MLLT3: variants seen among roughly 807,000 people sequenced by gnomAD.
The protein encoded by MLLT3 is MLLT3 super elongation complex subunit, also known as protein AF-9.
MLLT3 carries 4 observed loss-of-function variants against 53.2 expected under a neutral mutation model. That is an observed-to-expected ratio of 0.08 (90% CI 0.04 to 0.17). The LOEUF (loss-of-function observed/expected upper bound fraction) is 0.17, where lower values mean the gene tolerates loss of function less well. MLLT3 is among the 10% of genes least tolerant of loss of function. MLLT3 has a pLI of 1.00. For synonymous variants in MLLT3, 283 were observed against 230.6 expected (o/e 1.23, Z -2.06); for missense variants, 569 against 684.0 (o/e 0.83, Z 1.87).
At position 20,522,964 on chromosome 9, in the gene MLLT3, A is replaced by AAAAT. The variant is rs543608557; in HGVS notation, c.194-66182_194-66179dup. On this transcript the variant is annotated intron_variant, in intron 2 of 10. Transcript: ENST00000380338. The stretch of plus-strand genomic sequence containing the variant: ...GCAACAGAGTGAGACCCTGTCTTAA[A>AAAAT]AAATAAATAAATAAATAAATAAATA... Among the ~76,000 whole-genome samples the AAAAT allele has an allele frequency of 3.8e-3, 576 of 151,962 alleles. 2 individuals are homozygous for AAAAT. The highest frequency in any genetic ancestry group is 8.2e-3 in the African/African-American group (340 of 41,490).
intron 2 of MLLT3, among the ~76,000 whole-genome samples, chr9:20,488,059 T>G (rs376484501): frequency 6.6e-6 from 1 of 152,242 alleles, no homozygotes; most frequent in East Asian, 1.9e-4. Context: ...TTAGGTGCAA[T>G]AAATTAAATA....
rs1393756197 is a variant in MLLT3, at chr9:20,620,346, C to T, written c.193+308G>A. 6.6e-6 allele frequency among the ~76,000 whole-genome samples: 1 copy of T among 151,394 alleles called. No individual in the cohort carries two copies. The highest frequency in any genetic ancestry group is 1.9e-4 in the East Asian group (1 of 5,146). On this transcript the variant is annotated intron_variant, in intron 2 of 10. Transcript: ENST00000380338. The surrounding 1 kb of genome is among the most constrained non-coding windows in gnomAD (Gnocchi z 6.1). ...CGATTCCCCACATCTCCAAACTCAACAACTAATTGCACCTTCCCCACAGAA... is the reference window on the plus strand; with the variant it reads ...CGATTCCCCACATCTCCAAACTCAATAACTAATTGCACCTTCCCCACAGAA...
intron 2 of MLLT3, among the ~76,000 whole-genome samples, chr9:20,526,829 T>C (rs1041604885): frequency 6.6e-6 from 1 of 152,204 alleles, no homozygotes; most frequent in Admixed American, 6.5e-5. Context: ...TCTTTAGCAA[T>C]TCTGGTGGTG....
chr9:20,531,859 T>C (rs1184304854), intron 2 of MLLT3, among the ~76,000 whole-genome samples: 1 of 152,146 alleles, frequency 6.6e-6, no homozygotes, highest in Non-Finnish European at 1.5e-5. Flanking sequence ...TGTAAACTAC[T>C]GATTCACAGG....
At chr9:20,405,491 T>C (rs1822555823) in intron 5 of MLLT3, among the ~76,000 whole-genome samples, 1 of 152,176 alleles carries the variant, frequency 6.6e-6, no homozygotes, top group Admixed American at 6.5e-5. Flanking sequence ...AGTGGTACAA[T>C]ACAAGAAGCA....
At chr9:20,608,635 A>C (rs181610045) in intron 2 of MLLT3, among the ~76,000 whole-genome samples, 1 of 151,988 alleles carries the variant, frequency 6.6e-6, no homozygotes, top group African/African-American at 2.4e-5. Flanking sequence ...AAAGGAAAAG[A>C]CTCAAAACGA....
chr9:20,537,953 G>A (rs1322271197), intron 2 of MLLT3, among the ~76,000 whole-genome samples: 1 of 152,024 alleles, frequency 6.6e-6, no homozygotes, highest in Non-Finnish European at 1.5e-5. Context: ...TAAACTACAT[G>A]GCAGACTTAT....
intron 3 of MLLT3, among the ~76,000 whole-genome samples, chr9:20,451,445 G>C (rs552830890): frequency 1.3e-5 from 2 of 152,106 alleles, no homozygotes; most frequent in African/African-American, 2.4e-5. Flanking sequence ...GTCTAAAACA[G>C]AACAAAAAAC....
chr9:20,409,484 G>A (rs1404476542), intron 5 of MLLT3, among the ~76,000 whole-genome samples: 1 of 152,124 alleles, frequency 6.6e-6, no homozygotes, highest in Non-Finnish European at 1.5e-5. Flanking sequence ...AGTTGACACT[G>A]ATACACTCCC....
rs191263274 is a variant in MLLT3, at chr9:20,535,261, T to C, written c.194-78475A>G. 6.3e-4 allele frequency among the ~76,000 whole-genome samples: 96 copies of C among 152,354 alleles called. 1 individual carries two copies. Among genetic ancestry groups the C allele is most frequent in the Non-Finnish European group, 1.2e-3 (80 of 68,036 alleles). On this transcript the variant is annotated intron_variant, in intron 2 of 10. Coordinates refer to ENST00000380338, the MANE Select transcript of MLLT3 (RefSeq NM_004529.4). ...TGCACTCCTTATAAGAATCTAATGA[T>C]GAATTTAATCTGATGATTTGAGGTG...
intron 2 of MLLT3, among the ~76,000 whole-genome samples, chr9:20,466,544 T>C (rs1449877847): frequency 1.3e-5 from 2 of 152,196 alleles, no homozygotes; most frequent in East Asian, 1.9e-4. Flanking sequence ...ACCCTGACTA[T>C]AGAAGTGAGA....
intron 2 of MLLT3, among the ~76,000 whole-genome samples, chr9:20,534,212 T>G (rs1437946709): frequency 3.3e-5 from 5 of 152,246 alleles, no homozygotes. Context: ...TTGTAAGTCA[T>G]GTCTTCGGAA....
At chr9:20,562,507 C>A (rs1819242383) in intron 2 of MLLT3, among the ~76,000 whole-genome samples, 1 of 151,986 alleles carries the variant, frequency 6.6e-6, no homozygotes. Flanking sequence ...ACCAATGGAC[C>A]CTTAGCACCA....
intron 2 of MLLT3, among the ~76,000 whole-genome samples, chr9:20,511,184 T>C (rs1024618714): frequency 2.6e-5 from 4 of 152,154 alleles, no homozygotes; most frequent in African/African-American, 4.8e-5. Context: ...TGTGTGTGCA[T>C]GTTCATATGG....
rs186273799 is a variant in MLLT3 at position 20,477,617 on chromosome 9, T to C, written c.194-20831A>G. Among the ~76,000 whole-genome samples, 6 of 152,280 alleles carry C rather than the reference T, an allele frequency of 3.9e-5. No individual in the cohort carries two copies. In the East Asian group the frequency reaches 9.7e-4, roughly 25 times the overall value. The stretch of plus-strand genomic sequence containing the variant: ...AAATAAATAGCCCTCCTCTCCTATA[T>C]GCTCTGGGGCCCAGGAAGAGTCACA... On this transcript the variant is annotated intron_variant, in intron 2 of 10. Coordinates refer to ENST00000380338, the MANE Select transcript of MLLT3 (RefSeq NM_004529.4).
At chr9:20,482,170 GT>G (rs1217671566) in intron 2 of MLLT3, among the ~76,000 whole-genome samples, 1 of 152,174 alleles carries the variant, frequency 6.6e-6, no homozygotes, top group Non-Finnish European at 1.5e-5. Flanking sequence ...GGAGGCCATA[GT>G]TTTGGACTAA....
intron 2 of MLLT3, among the ~76,000 whole-genome samples, chr9:20,544,217 C>T (rs1305254964): frequency 6.6e-6 from 1 of 152,120 alleles, no homozygotes; most frequent in East Asian, 1.9e-4. Flanking sequence ...TAGAAGAAAA[C>T]ATAGGGGAAA....
intron 3 of MLLT3, among the ~76,000 whole-genome samples, chr9:20,456,025 G>A (rs1464699464): frequency 1.4e-5 from 2 of 145,720 alleles, no homozygotes; most frequent in African/African-American, 5.2e-5. Flanking sequence ...TGCCATCTCC[G>A]TCTCCCAGGT....
Position 20,621,999 on chromosome 9 carries a change from C to CG in MLLT3, c.12+245dup, listed in dbSNP as rs996522213. On this transcript the variant is annotated intron_variant, in intron 1 of 10. Coordinates refer to ENST00000380338, the MANE Select transcript of MLLT3 (RefSeq NM_004529.4). The surrounding 1 kb of genome is among the most constrained non-coding windows in gnomAD (Gnocchi z 7.0). ...AAAGAGGCGAGGAGGGAGGGAGGCG[C>CG]GGGGGGTGGAGGGGCGAGTGTGAGC... is the stretch of plus-strand genomic sequence containing the variant. 8.2e-6 allele frequency: 10 copies of CG among 1,217,756 alleles called. No homozygotes were observed. The South Asian group carries it at 1.6e-4, about 19-fold the overall frequency. The allele number at this position is 1,217,756 out of a possible 1,614,324, so 75.4% of individuals were successfully genotyped here. A position where few individuals can be genotyped will look rare whatever the true frequency, so the allele number is the denominator to read the frequency against.
Sources: allele counts gnomAD v4.1 joint callset (sites outside exome capture counted in the v4.1 genomes callset), GRCh38; gene constraint gnomAD v4.1.1; non-coding constraint Gnocchi (gnomAD v3.1); transcripts MANE v1.5; gene names NCBI Gene and HGNC (gene_info 2026-07-23, HGNC 2026-07-21).